The following PCDH20 variants were observed in gnomAD, a reference collection of about 807,000 sequenced individuals.
PCDH20 encodes protocadherin-20.
In PCDH20, 18 loss-of-function variants were observed where a neutral mutation model predicts 39.7. That is an observed-to-expected ratio of 0.45 (90% CI 0.31 to 0.67). The LOEUF is 0.67. PCDH20 is among the 30% of genes least tolerant of loss of function. PCDH20 has a pLI of 0.05. For synonymous variants in PCDH20, 495 were observed against 455.4 expected (o/e 1.09, Z -1.11); for missense variants, 1,161 against 1,167.4 (o/e 0.99, Z 0.08).
exon 2 of PCDH20, chr13:61,410,395 T>C (rs1030843982): frequency 2.0e-4 from 30 of 152,310 alleles, no homozygotes; most frequent in African/African-American, 5.8e-4. Flanking sequence ...TAAAATGTCA[T>C]GAATGCCTAT....
chr13:61,412,410 G>A (rs1264636587), exon 2 of PCDH20: 3 of 1,614,156 alleles, frequency 1.9e-6, no homozygotes, highest in Non-Finnish European at 2.5e-6. Context: ...TCTCCTCGCT[G>A]TCGGCATCTG....
chr13:61,411,343 T>C (rs1283842209), exon 2 of PCDH20: 1 of 1,614,018 alleles, frequency 6.2e-7, no homozygotes, highest in African/African-American at 1.3e-5. Context: ...TTCCCTGGGA[T>C]GCTTTTCCCC....
chr13:61,409,698 C>T (rs1878207518), exon 2 of PCDH20: 1 of 151,874 alleles, frequency 6.6e-6, no homozygotes, highest in South Asian at 2.1e-4. Context: ...AATAATTTAC[C>T]CAATGTTTAA....
rs375289034 is a variant in PCDH20, at chr13:61,411,505, A to G, written c.2594T>C (p.Ile865Thr). Residue 865 changes from isoleucine to threonine, a missense_variant, in exon 2 of 2, where the codon ATA becomes ACA. By Grantham distance (89) the Ile-to-Thr change is moderately conservative (BLOSUM62 -1). Around this residue, in one of 3 missense-constraint regions of PCDH20, gnomAD observed 754 missense variants for 777.5 expected, o/e 0.97. Coordinates refer to ENST00000409204, the Ensembl canonical transcript of PCDH20. ...TGAGATTTGTGGTTCTTTCTCCTCT[A>G]TATTAATCTCTGGTTCTTTTCTTAA... The G allele has an allele frequency of 6.9e-5, 112 of 1,614,008 alleles. No homozygotes were observed. The highest frequency in any genetic ancestry group is 4.9e-4 in the Middle Eastern group (3 of 6,062).
exon 2 of PCDH20, chr13:61,409,871 T>A (rs562279352): frequency 6.6e-6 from 1 of 152,064 alleles, no homozygotes; most frequent in African/African-American, 2.4e-5. Context: ...TGAAAATATA[T>A]ACCTTTAATT....
In PCDH20 at chr13:61,413,137, G is replaced by C. The variant is rs767812492; in HGVS notation, c.962C>G (p.Thr321Arg). The C allele has an allele frequency of 1.9e-6, 3 of 1,614,048 alleles. No homozygotes were observed. The Admixed American group carries it at 5.0e-5, about 27-fold the overall frequency. ...CACAGTGACATTGATTTGTGAGTCT[G>C]TGAAGAGAGGGCAATTGTCATTAAT... Residue 321 changes from threonine (T) to arginine (R), a missense_variant, in exon 2 of 2, where the codon ACA becomes AGA. Coordinates refer to ENST00000409204, the Ensembl canonical transcript of PCDH20.
exon 1 of PCDH20, chr13:61,415,250 C>T: frequency 7.9e-7 from 1 of 1,266,164 alleles, no homozygotes. Context: ...GGAACTTCAG[C>T]CAATAGTCAC....
chr13:61,411,338 T>C, exon 2 of PCDH20: 1 of 1,614,136 alleles, frequency 6.2e-7, no homozygotes, highest in Non-Finnish European at 8.5e-7. Flanking sequence ...TCATCTTCCC[T>C]GGGATGCTTT....
At chr13:61,413,871 T>C (rs375868521) in exon 2 of PCDH20, 12 of 1,613,210 alleles carry the variant, frequency 7.4e-6, no homozygotes, top group African/African-American at 1.3e-5. Context: ...CCCCCGCGGG[T>C]AGTCCCTCGT....
exon 2 of PCDH20, chr13:61,411,300 T>G: frequency 6.2e-7 from 1 of 1,614,072 alleles, no homozygotes; most frequent in Non-Finnish European, 8.5e-7. Context: ...CAATTTTTCC[T>G]TTCAGTGGAA....
chr13:61,412,785 C>T, exon 2 of PCDH20: 1 of 1,613,814 alleles, frequency 6.2e-7, no homozygotes, highest in Non-Finnish European at 8.5e-7. Flanking sequence ...TCAGATAAAC[C>T]ACACCATCTA....
exon 2 of PCDH20, chr13:61,409,824 G>A (rs993845464): frequency 6.6e-6 from 1 of 151,914 alleles, no homozygotes; most frequent in East Asian, 1.9e-4. Context: ...ACAAGCCCAT[G>A]TTCAAATATA....
exon 2 of PCDH20, chr13:61,413,922 G>C (rs775920954): frequency 6.2e-7 from 1 of 1,613,034 alleles, no homozygotes; most frequent in South Asian, 1.1e-5. Context: ...TGTAACTCCC[G>C]AGGCAGCTGA....
chr13:61,415,085 C>T (rs1343422586), exon 1 of PCDH20: 1 of 1,573,146 alleles, frequency 6.4e-7, no homozygotes, highest in Non-Finnish European at 8.6e-7. Flanking sequence ...CATATCCAGG[C>T]GCGGGTGCCA....
At chr13:61,414,066 G>T in intron 1 of PCDH20, 100 bp from the exon 2 acceptor site, 1 of 1,091,396 alleles carries the variant, frequency 9.2e-7, no homozygotes, top group Non-Finnish European at 1.3e-6. Context: ...CCCCATCCCC[G>T]TTCCCAGAAG....
At chr13:61,412,680 C>G (rs149964521) in exon 2 of PCDH20, 6 of 1,613,964 alleles carry the variant, frequency 3.7e-6, no homozygotes, top group Non-Finnish European at 5.1e-6. Context: ...ACCTAAACGG[C>G]CCTTCACCAT....
Position 61,415,315 on chromosome 13 carries a change from G to T in PCDH20, c.-157C>A. ...AGAGTGGCAGAAAGGCAAGAGGGCA[G>T]AAGGGCACATTCATGGTTTCCTGCC... On this transcript the variant is annotated 5_prime_UTR_variant, in exon 1 of 2. The change creates a new upstream start codon in the 5' untranslated region. Transcript: ENST00000409204. 1 of 872,070 alleles carries T rather than the reference G, an allele frequency of 1.1e-6. No homozygotes were observed. Among genetic ancestry groups the T allele is most frequent in the Non-Finnish European group, 1.6e-6 (1 of 644,754 alleles). The allele number at this position is 872,070 out of a possible 1,614,324, so 54.0% of individuals were successfully genotyped here.
exon 1 of PCDH20, chr13:61,415,312 G>A: frequency 2.3e-6 from 2 of 885,506 alleles, no homozygotes; most frequent in Non-Finnish European, 3.0e-6. Context: ...AGGCAAGAGG[G>A]CAGAAGGGCA....
chr13:61,412,342 C>G (rs781379108), exon 2 of PCDH20: 1 of 1,614,062 alleles, frequency 6.2e-7, no homozygotes, highest in African/African-American at 1.3e-5. Context: ...TCCTGTGACA[C>G]TGTCTAAGGA....
Sources: allele counts gnomAD v4.1 joint callset, GRCh38; gene constraint gnomAD v4.1.1; regional missense constraint gnomAD v4.1.1; transcripts MANE v1.5; gene names NCBI Gene and HGNC (gene_info 2026-07-23, HGNC 2026-07-21).